The following ZNF614 variants were observed in gnomAD, a reference collection of about 807,000 sequenced individuals.
The protein encoded by ZNF614 is zinc finger protein 614.
A neutral mutation model predicts 12.8 loss-of-function variants in ZNF614; 11 were observed. That is an observed-to-expected ratio of 0.86 (90% CI 0.54 to 1.43). The LOEUF (loss-of-function observed/expected upper bound fraction) is 1.43, where lower values mean the gene tolerates loss of function less well. Ranked by LOEUF, ZNF614 falls within the 40% of genes most tolerant of loss-of-function variation. The probability of loss-of-function intolerance (pLI) is 0.00; values close to 1 mark genes in which losing one functional copy is unlikely to be tolerated. For synonymous variants in ZNF614, 237 were observed against 237.5 expected (o/e 1.00, Z 0.02); for missense variants, 664 against 708.8 (o/e 0.94, Z 0.72).
In ZNF614 at chr19:52,026,991, G is replaced by A. The variant is rs557008252; in HGVS notation, c.-216-1030C>T. 2.6e-5 allele frequency among the ~76,000 whole-genome samples: 4 copies of A among 152,344 alleles called. No homozygotes were observed. In the South Asian group the frequency reaches 8.3e-4, roughly 32 times the overall value. On this transcript the variant is annotated intron_variant, in intron 1 of 4. Coordinates refer to ENST00000270649, the MANE Select transcript of ZNF614 (RefSeq NM_025040.4). The stretch of plus-strand genomic sequence containing the variant: ...CCCTCTCCGAGGTGGTAGAGATAGT[G>A]ATCAATAAATACTGAGGGAACTCAG...
intron 2 of ZNF614, among the ~76,000 whole-genome samples, chr19:52,019,940 T>C (rs558920478): frequency 6.6e-6 from 1 of 152,370 alleles, no homozygotes; most frequent in South Asian, 2.1e-4. Context: ...AGTGCGCAAG[T>C]GCTCAAGCCT....
At position 52,015,769 on chromosome 19, in the gene ZNF614, A is replaced by C; in HGVS notation, c.*71T>G. Reference sequence around the variant, plus strand: ...ATTGGCTAGAAACACACTGATGTTTAATGAAGTCTGAGTTGCCACAAAAGG... The same window carrying C: ...ATTGGCTAGAAACACACTGATGTTTCATGAAGTCTGAGTTGCCACAAAAGG... On this transcript the variant is annotated 3_prime_UTR_variant, in exon 5 of 5. Coordinates refer to ENST00000270649, the MANE Select transcript of ZNF614 (RefSeq NM_025040.4). 2 of 1,388,188 alleles carry C rather than the reference A, an allele frequency of 1.4e-6. No individual in the cohort carries two copies. Among genetic ancestry groups the C allele is most frequent in the South Asian group, 1.4e-5 (1 of 72,248 alleles). The allele number at this position is 1,388,188 out of a possible 1,614,324, so 86.0% of individuals were successfully genotyped here.
chr19:52,020,618 T>G (rs2086927607), intron 2 of ZNF614, among the ~76,000 whole-genome samples: 1 of 152,184 alleles, frequency 6.6e-6, no homozygotes, highest in Admixed American at 6.5e-5. Flanking sequence ...TGTAGCTGAG[T>G]TCAGTCTCCA....
intron 2 of ZNF614, 58 bp from the exon 3 acceptor site, chr19:52,018,552 A>G: frequency 1.3e-6 from 2 of 1,507,714 alleles, no homozygotes; most frequent in Non-Finnish European, 8.9e-7. Context: ...ATATAGAAGT[A>G]TAAGATAATT....
Position 52,017,280 on chromosome 19 carries a change from T to G in ZNF614, c.318A>C (p.Gly106=). ...GTACAATATTTCTAAGTGTATTCTG[T>G]CCATTGCATTGCTGCACGCTCTTCA... ...RLLKSVQQCN[G]QNTLRNIVHL... The change falls in exon 5 of 5, where the codon GGA becomes GGC. Residue 106 remains glycine (G), a synonymous_variant. Coordinates refer to ENST00000270649, the MANE Select transcript of ZNF614 (RefSeq NM_025040.4). 6.2e-7 allele frequency: 1 copy of G among 1,613,976 alleles called. No individual in the cohort carries two copies. The highest frequency in any genetic ancestry group is 1.1e-5 in the South Asian group (1 of 91,086).
chr19:52,028,091 T>C (rs1046035698), intron 1 of ZNF614, among the ~76,000 whole-genome samples, 151 bp downstream of exon 1: 1 of 152,110 alleles, frequency 6.6e-6, no homozygotes, highest in African/African-American at 2.4e-5. Context: ...GCTGATTTCC[T>C]CAGACTCTTC....
intron 2 of ZNF614, among the ~76,000 whole-genome samples, chr19:52,021,425 A>AAT (rs1198366066): frequency 1.3e-5 from 2 of 152,100 alleles, no homozygotes; most frequent in Non-Finnish European, 2.9e-5. Context: ...CTTAGGTATT[A>AAT]ATAGACAATG....
At position 52,016,886 on chromosome 19, in the gene ZNF614, C is replaced by T; in HGVS notation, c.712G>A (p.Glu238Lys). The stretch of plus-strand genomic sequence containing the variant: ...AACAGGACACTTCTGGATAATTTCT[C>T]ACATTGACCACTTCCAGGATTCTCT... Reference protein sequence around the residue: ...IQENPGSGQCEKLSRSVLFTK... With the variant: ...IQENPGSGQCKKLSRSVLFTK... The change falls in exon 5 of 5, where the codon GAG becomes AAG. Residue 238 changes from glutamate (E) to lysine (K), a missense_variant. Glu to Lys is a moderately conservative substitution (Grantham distance 56, BLOSUM62 1). Transcript: ENST00000270649. 6.2e-7 allele frequency: 1 copy of T among 1,614,090 alleles called. No individual in the cohort carries two copies. Among genetic ancestry groups the T allele is most frequent in the Middle Eastern group, 1.6e-4 (1 of 6,062 alleles).
At chr19:52,025,991 T>C (rs1445710301) in intron 1 of ZNF614, 30 bp from the exon 2 acceptor site, 2 of 497,388 alleles carry the variant, frequency 4.0e-6, no homozygotes, top group Non-Finnish European at 7.2e-6. Context: ...TCAGTGTACA[T>C]TAACCCTGGG....
rs762574410 is a variant in ZNF614 at position 52,017,255 on chromosome 19, G to A, written c.343C>T (p.His115Tyr). 1 of 1,614,028 alleles carries A rather than the reference G, an allele frequency of 6.2e-7. No individual in the cohort carries two copies. The highest frequency in any genetic ancestry group is 8.5e-7 in the Non-Finnish European group (1 of 1,180,022). ...ATAGGAAAATGTGTCTTGCTGAGATGTACAATATTTCTAAGTGTATTCTGT... is the reference window on the plus strand; with the variant it reads ...ATAGGAAAATGTGTCTTGCTGAGATATACAATATTTCTAAGTGTATTCTGT... The part of the protein sequence containing the change: ...NGQNTLRNIV[H>Y]LSKTHFPIVQ... The change falls in exon 5 of 5, where the codon CAT (histidine) becomes TAT (tyrosine). Residue 115 changes from histidine to tyrosine, a missense_variant. Physicochemically the swap from His to Tyr is moderately conservative, Grantham distance 83 (BLOSUM62 2). Coordinates refer to ENST00000270649, the MANE Select transcript of ZNF614 (RefSeq NM_025040.4).
At chr19:52,026,304 C>A (rs1351700474) in intron 1 of ZNF614, among the ~76,000 whole-genome samples, 1 of 152,236 alleles carries the variant, frequency 6.6e-6, no homozygotes, top group Non-Finnish European at 1.5e-5. Flanking sequence ...AAGAGAAATT[C>A]TTCTGCCTTG....
In ZNF614 at chr19:52,013,840, C is replaced by T. The variant is rs544526306; in HGVS notation, c.*2000G>A. On this transcript the variant is annotated 3_prime_UTR_variant, in exon 5 of 5. Coordinates refer to ENST00000270649, the MANE Select transcript of ZNF614 (RefSeq NM_025040.4). ...AAAAAGAAAAAAACATGTAAAAATT[C>T]GTCAAATCCAAAATAAGATTAGTAC... The T allele has an allele frequency of 1.3e-4, 18 of 140,798 alleles. No individual in the cohort carries two copies. The highest frequency in any genetic ancestry group is 6.2e-4 in the East Asian group (3 of 4,854). The allele number at this position is 140,798 out of a possible 1,614,324, so 8.7% of individuals were successfully genotyped here.
chr19:52,014,326 CCAAGTTAGTGCAGTG>C lies in ZNF614; in HGVS notation c.*1499_*1513del, dbSNP rs936881811. On this transcript the variant is annotated 3_prime_UTR_variant, in exon 5 of 5. Coordinates refer to ENST00000270649, the MANE Select transcript of ZNF614 (RefSeq NM_025040.4). ...TGCAGACTCCACAAGTTAGTGCAGTCCAAGTTAGTGCAGTGCAAGTTAGTTAGTGCAGTCTAAATT... is the reference window on the plus strand; with the variant it reads ...TGCAGACTCCACAAGTTAGTGCAGTCCAAGTTAGTTAGTGCAGTCTAAATT... The C allele has an allele frequency of 4.3e-5, 6 of 138,000 alleles. No individual in the cohort carries two copies. The highest frequency in any genetic ancestry group is 9.3e-5 in the Non-Finnish European group (6 of 64,798). The allele number at this position is 138,000 out of a possible 1,614,324, so 8.5% of individuals were successfully genotyped here.
Position 52,016,331 on chromosome 19 carries a change from C to T in ZNF614, c.1267G>A (p.Gly423Arg), listed in dbSNP as rs368436045. The change falls in exon 5 of 5, where the codon GGA becomes AGA. Residue 423 changes from glycine (G) to arginine (R), a missense_variant. Coordinates refer to ENST00000270649, the MANE Select transcript of ZNF614 (RefSeq NM_025040.4). ...TLVIHQRTHT[G>R]EKSYICNECG... ...TCATTGCATATGTAAGATTTCTCTCCTGTATGAGTTCGCTGATGTATAACG... is the reference window on the plus strand; with the variant it reads ...TCATTGCATATGTAAGATTTCTCTCTTGTATGAGTTCGCTGATGTATAACG... 1 of 1,610,530 alleles carries T rather than the reference C, an allele frequency of 6.2e-7. No homozygotes were observed. The highest frequency in any genetic ancestry group is 2.2e-5 in the East Asian group (1 of 44,802).
Position 52,025,825 on chromosome 19 carries a change from A to C in ZNF614, c.-80T>G, listed in dbSNP as rs1228309425. 3.6e-5 allele frequency: 55 copies of C among 1,509,292 alleles called. No individual in the cohort carries two copies. The highest frequency in any genetic ancestry group is 4.8e-5 in the Non-Finnish European group (53 of 1,101,556). 93.5% of individuals were successfully genotyped at this position (1,509,292 alleles called of 1,614,324 possible). On this transcript the variant is annotated 5_prime_UTR_variant, in exon 2 of 5. Transcript: ENST00000270649. ...TCTGCATTTGCCATGAAGTTTTTGA[A>C]GTTTTCCTAGTCAGAAATATTAGTG...
Position 52,025,835 on chromosome 19 carries a change from G to T in ZNF614, c.-90C>A. On this transcript the variant is annotated 5_prime_UTR_variant, in exon 2 of 5. Coordinates refer to ENST00000270649, the MANE Select transcript of ZNF614 (RefSeq NM_025040.4). ...CCATGAAGTTTTTGAAGTTTTCCTAGTCAGAAATATTAGTGTCCACTTAAA... is the reference window on the plus strand; with the variant it reads ...CCATGAAGTTTTTGAAGTTTTCCTATTCAGAAATATTAGTGTCCACTTAAA... 6.9e-7 allele frequency: 1 copy of T among 1,442,734 alleles called. No individual in the cohort carries two copies. Among genetic ancestry groups the T allele is most frequent in the Non-Finnish European group, 9.6e-7 (1 of 1,043,172 alleles). 89.4% of individuals were successfully genotyped at this position (1,442,734 alleles called of 1,614,324 possible).
At chr19:52,026,691 A>G (rs940781838) in intron 1 of ZNF614, among the ~76,000 whole-genome samples, 3 of 152,124 alleles carry the variant, frequency 2.0e-5, no homozygotes, top group Non-Finnish European at 4.4e-5. Flanking sequence ...GAGATAAGAG[A>G]AAGGCATCTG....
At chr19:52,027,211 T>G (rs528807924) in intron 1 of ZNF614, among the ~76,000 whole-genome samples, 1 of 152,238 alleles carries the variant, frequency 6.6e-6, no homozygotes, top group African/African-American at 2.4e-5. Flanking sequence ...AGAGAACACA[T>G]GGAAGGCTCC....
At position 52,016,582 on chromosome 19, in the gene ZNF614, C is replaced by T. The variant is rs780925212; in HGVS notation, c.1016G>A (p.Gly339Glu). ...TTCACTGCATATATAGGGTTTCTCC[C>T]CTGTATGAGTTCGCTGATGTACAAT... is the stretch of plus-strand genomic sequence containing the variant. ...NLIVHQRTHT[G>E]EKPYICSECG... is the part of the protein sequence containing the mutation. The change falls in exon 5 of 5, where the codon GGG becomes GAG. Residue 339 changes from glycine (G) to glutamate (E), a missense_variant. Transcript: ENST00000270649. 3 of 1,614,072 alleles carry T rather than the reference C, an allele frequency of 1.9e-6. No individual in the cohort carries two copies. Among genetic ancestry groups the T allele is most frequent in the African/African-American group, 1.3e-5 (1 of 74,998 alleles).
Sources: allele counts gnomAD v4.1 joint callset (sites outside exome capture counted in the v4.1 genomes callset), GRCh38; gene constraint gnomAD v4.1.1; transcripts MANE v1.5; gene names NCBI Gene and HGNC (gene_info 2026-07-23, HGNC 2026-07-21).